The following THSD4 variants were observed in gnomAD, a reference collection of about 807,000 sequenced individuals.
THSD4 encodes the protein thrombospondin type-1 domain-containing protein 4.
In THSD4, 69 loss-of-function variants were observed where a neutral mutation model predicts 119.0. That is an observed-to-expected ratio of 0.58 (90% CI 0.48 to 0.71). The LOEUF (loss-of-function observed/expected upper bound fraction) is 0.71. THSD4 is among the 30% of genes least tolerant of loss of function. THSD4 has a pLI of 0.00. For synonymous variants in THSD4, 524 were observed against 540.4 expected (o/e 0.97, Z 0.42); for missense variants, 1,393 against 1,391.1 (o/e 1.00, Z -0.02).
At chr15:71,383,392 A>T (rs1027643784) in intron 6 of THSD4, among the ~76,000 whole-genome samples, 2 of 152,220 alleles carry the variant, frequency 1.3e-5, no homozygotes, top group African/African-American at 4.8e-5. Context: ...CACGGAACTG[A>T]GACTTAAGGC....
intron 5 of THSD4, among the ~76,000 whole-genome samples, chr15:71,253,767 A>G (rs894341528): frequency 8.5e-5 from 13 of 152,324 alleles, no homozygotes; most frequent in African/African-American, 3.1e-4. Context: ...TAAATAACAC[A>G]AATAGACTAA....
At chr15:71,660,391 G>A in intron 7 of THSD4, 139 bp from the exon 8 acceptor site, 1 of 957,122 alleles carries the variant, frequency 1.0e-6, no homozygotes, top group Non-Finnish European at 1.6e-6. Context: ...TTTACCGTCT[G>A]TGGCTCCCAC....
intron 2 of THSD4, among the ~76,000 whole-genome samples, chr15:71,149,443 A>G (rs1484390983): frequency 6.6e-6 from 1 of 151,848 alleles, no homozygotes; most frequent in Non-Finnish European, 1.5e-5. Flanking sequence ...ACGGGGTTTC[A>G]CTGTGTTCGA....
At chr15:71,103,881 C>T (rs1304050450) in intron 1 of THSD4, among the ~76,000 whole-genome samples, 1 of 152,148 alleles carries the variant, frequency 6.6e-6, no homozygotes, top group Non-Finnish European at 1.5e-5. Context: ...CTCTTTCTGT[C>T]TTCCTCTGGT....
At chr15:71,259,210 C>G (rs2044360644) in intron 6 of THSD4, among the ~76,000 whole-genome samples, 1 of 152,022 alleles carries the variant, frequency 6.6e-6, no homozygotes, top group Non-Finnish European at 1.5e-5. Flanking sequence ...TGGAGTGATG[C>G]TTCTACAAGG....
chr15:71,289,423 T>A (rs888448124), intron 6 of THSD4, among the ~76,000 whole-genome samples: 2 of 152,092 alleles, frequency 1.3e-5, no homozygotes, highest in Non-Finnish European at 2.9e-5. Context: ...ACATGCCCCA[T>A]CCTGTTTTCT....
At chr15:71,669,937 T>G (rs924069510) in intron 8 of THSD4, among the ~76,000 whole-genome samples, 1 of 152,222 alleles carries the variant, frequency 6.6e-6, no homozygotes, top group African/African-American at 2.4e-5. Flanking sequence ...TTTCCCTGCT[T>G]TATCTCAAGA....
intron 7 of THSD4, among the ~76,000 whole-genome samples, chr15:71,468,704 G>T (rs1397841966): frequency 6.6e-6 from 1 of 152,248 alleles, no homozygotes; most frequent in East Asian, 1.9e-4. Flanking sequence ...GTCCAGGGCT[G>T]TTGTGGTCTC....
chr15:71,654,588 C>T (rs917456696), intron 7 of THSD4, among the ~76,000 whole-genome samples: 1 of 152,142 alleles, frequency 6.6e-6, no homozygotes, highest in African/African-American at 2.4e-5. Flanking sequence ...TGGTATTGAT[C>T]TACATGCCTA....
At chr15:71,508,722 A>G (rs2048232804) in intron 7 of THSD4, among the ~76,000 whole-genome samples, 1 of 152,212 alleles carries the variant, frequency 6.6e-6, no homozygotes, top group Admixed American at 6.5e-5. Context: ...GAAAACTATC[A>G]TGTATATGTA....
rs571376386 is a variant in THSD4 at position 71,680,732 on chromosome 15, A to G, written c.1357+19998A>G. 4.6e-5 allele frequency among the ~76,000 whole-genome samples: 7 copies of G among 152,332 alleles called. No individual in the cohort carries two copies. In the South Asian group the frequency reaches 6.2e-4, roughly 14 times the overall value. ...CTCAGCCACGCAGCTTTCTGGCTCT[A>G]TAGCCTTCAGTCAGTTACCTGACCT... On this transcript the variant is annotated intron_variant, in intron 8 of 17. Coordinates refer to ENST00000261862, the MANE Select transcript of THSD4 (RefSeq NM_024817.3).
chr15:71,768,563 T>TC (rs2053756432), intron 16 of THSD4, among the ~76,000 whole-genome samples: 6 of 143,524 alleles, frequency 4.2e-5, no homozygotes, highest in African/African-American at 1.5e-4. Context: ...GATCCTGATT[T>TC]TTTTTTTTTT....
intron 7 of THSD4, among the ~76,000 whole-genome samples, chr15:71,501,752 T>C (rs1302164059): frequency 3.9e-5 from 6 of 152,264 alleles, no homozygotes; most frequent in Non-Finnish European, 8.8e-5. Context: ...TGATCCATCA[T>C]GACCTCTCAA....
intron 6 of THSD4, among the ~76,000 whole-genome samples, chr15:71,295,385 A>G (rs888478069): frequency 1.3e-5 from 2 of 152,160 alleles, no homozygotes; most frequent in African/African-American, 4.8e-5. Context: ...TTCCTGGTTC[A>G]GTCAGGCAAA....
At chr15:71,506,671 C>A (rs115219705) in intron 7 of THSD4, among the ~76,000 whole-genome samples, 2 of 152,046 alleles carry the variant, frequency 1.3e-5, no homozygotes, top group Non-Finnish European at 2.9e-5. Flanking sequence ...TCAGATGATC[C>A]CATTGTATCC....
At chr15:71,662,037 A>G (rs2051319750) in intron 8 of THSD4, among the ~76,000 whole-genome samples, 1 of 152,206 alleles carries the variant, frequency 6.6e-6, no homozygotes, top group African/African-American at 2.4e-5. Context: ...CTCCAGGTGT[A>G]GTAGCCTGTC....
chr15:71,367,618 C>CT (rs1399547065), intron 6 of THSD4, among the ~76,000 whole-genome samples: 5 of 152,142 alleles, frequency 3.3e-5, no homozygotes, highest in African/African-American at 1.2e-4. Flanking sequence ...TGAACTTATC[C>CT]TTTTTTGTGG....
chr15:71,450,078 G>A (rs1484202214), intron 7 of THSD4, among the ~76,000 whole-genome samples: 2 of 152,228 alleles, frequency 1.3e-5, no homozygotes, highest in Admixed American at 1.3e-4. Context: ...GAAGGAACAA[G>A]GGAAGGAGGG....
intron 4 of THSD4, among the ~76,000 whole-genome samples, chr15:71,239,196 G>A (rs2063827): frequency 0.27 from 41,805 of 152,122 alleles, 6,562 homozygotes; most frequent in South Asian, 0.42. Flanking sequence ...TACTATTATT[G>A]TGTTTATTTG....
Sources: gnomAD v4.1 joint callset for allele counts (sites outside exome capture counted in the v4.1 genomes callset) on GRCh38, gnomAD v4.1.1 for gene constraint, MANE v1.5 for transcripts, NCBI Gene and HGNC (gene_info 2026-07-23, HGNC 2026-07-21) for gene names.